DPP10: variants seen among roughly 807,000 people sequenced by gnomAD.
DPP10 encodes the protein inactive dipeptidyl peptidase 10.
A neutral mutation model predicts 120.9 loss-of-function variants in DPP10; 33 were observed. That is an observed-to-expected ratio of 0.27 (90% CI 0.21 to 0.37). The LOEUF (loss-of-function observed/expected upper bound fraction) is 0.37. Among genes scored for constraint, DPP10 ranks in the 10% least tolerant of loss-of-function variants. The pLI is 1.00. For missense variants in DPP10, 816 were observed against 942.8 expected (o/e 0.87, Z 1.76); for synonymous variants, 337 against 326.1 (o/e 1.03, Z -0.36).
intron 3 of DPP10, among the ~76,000 whole-genome samples, chr2:115,491,771 A>G (rs2076138135): frequency 6.6e-6 from 1 of 152,118 alleles, no homozygotes; most frequent in African/African-American, 2.4e-5. Flanking sequence ...TATTAGGTTG[A>G]ACTTTAGAAT....
At chr2:115,252,715 AT>A (rs2058807051) in intron 1 of DPP10, among the ~76,000 whole-genome samples, 1 of 152,184 alleles carries the variant, frequency 6.6e-6, no homozygotes, top group Admixed American at 6.5e-5. Flanking sequence ...ACTGCCAGAT[AT>A]TTCTTTATGT....
chr2:114,597,741 G>A (rs1692036990), intron 1 of DPP10, among the ~76,000 whole-genome samples: 1 of 151,868 alleles, frequency 6.6e-6, no homozygotes, highest in South Asian at 2.1e-4. Flanking sequence ...AAAGATACCA[G>A]ATGGTATCTT....
At chr2:115,551,868 CAGTT>C (rs1346601683) in intron 5 of DPP10, among the ~76,000 whole-genome samples, 5 of 152,042 alleles carry the variant, frequency 3.3e-5, no homozygotes, top group Non-Finnish European at 7.4e-5. Context: ...AACTCAAACA[CAGTT>C]GGTTAAAAAA....
chr2:115,381,230 T>C (rs1176240590), intron 3 of DPP10, among the ~76,000 whole-genome samples: 2 of 152,196 alleles, frequency 1.3e-5, no homozygotes, highest in African/African-American at 4.8e-5. Context: ...AGTCCCATAT[T>C]TCTTGGAGGC....
At chr2:114,469,538 G>A (rs1024590026) in intron 1 of DPP10, among the ~76,000 whole-genome samples, 2 of 151,994 alleles carry the variant, frequency 1.3e-5, no homozygotes, top group African/African-American at 4.8e-5. Context: ...GACCAGGTTG[G>A]CCAACATGGC....
intron 1 of DPP10, among the ~76,000 whole-genome samples, chr2:115,248,460 T>C (rs2058626295): frequency 6.6e-6 from 1 of 152,124 alleles, no homozygotes; most frequent in South Asian, 2.1e-4. Flanking sequence ...TCTTTTTCTT[T>C]GTGAGTCAAT....
chr2:115,613,082 G>T (rs916359396), intron 5 of DPP10, among the ~76,000 whole-genome samples: 6 of 152,178 alleles, frequency 3.9e-5, no homozygotes, highest in Non-Finnish European at 8.8e-5. Flanking sequence ...AAAGCTCAAG[G>T]AGTTGCATTC....
chr2:115,190,574 G>T (rs1051728425), intron 1 of DPP10, among the ~76,000 whole-genome samples: 4 of 152,142 alleles, frequency 2.6e-5, no homozygotes, highest in African/African-American at 9.7e-5. Context: ...TTCCCCCGGC[G>T]GTGAAAGGCA....
At chr2:114,597,276 G>A (rs982001734) in intron 1 of DPP10, among the ~76,000 whole-genome samples, 6 of 151,996 alleles carry the variant, frequency 3.9e-5, no homozygotes, top group African/African-American at 1.4e-4. Flanking sequence ...TAGGGGAATG[G>A]TGGGAATAAG....
intron 5 of DPP10, among the ~76,000 whole-genome samples, chr2:115,571,199 C>T (rs2081318178): frequency 2.0e-5 from 3 of 152,282 alleles, no homozygotes; most frequent in Middle Eastern, 6.8e-3. Flanking sequence ...TAGCCAATCA[C>T]TCTTTGTCTT....
chr2:115,446,256 A>G (rs980909607), intron 3 of DPP10, among the ~76,000 whole-genome samples: 12 of 152,234 alleles, frequency 7.9e-5, no homozygotes, highest in African/African-American at 2.9e-4. Context: ...ATGTCTAGGT[A>G]GAAGTTTGCT....
chr2:115,695,089 T>C (rs1456396612), intron 7 of DPP10, among the ~76,000 whole-genome samples: 1 of 152,168 alleles, frequency 6.6e-6, no homozygotes, highest in Admixed American at 6.5e-5. Flanking sequence ...CTACTCTTCA[T>C]TTTTCTCTTT....
intron 3 of DPP10, among the ~76,000 whole-genome samples, chr2:115,484,053 GACAA>G (rs1355369364): frequency 6.6e-6 from 1 of 151,258 alleles, no homozygotes; most frequent in Non-Finnish European, 1.5e-5. Flanking sequence ...CAGGACCCCA[GACAA>G]ACAGCAAACT....
At position 114,516,472 on chromosome 2, in the gene DPP10, AAGAT is replaced by A. The variant is rs1260709123; in HGVS notation, c.60+73635_60+73638del. ...CTCCCAACCCTGGAAAAGATGAAGA[AAGAT>A]GATGATTTTGTTCTCAGCTCTTAGT... On this transcript the variant is annotated intron_variant, in intron 1 of 25. Transcript: ENST00000410059. Among the ~76,000 whole-genome samples, 5 of 152,236 alleles carry A rather than the reference AAGAT, an allele frequency of 3.3e-5. No homozygotes were observed. In the East Asian group the frequency reaches 9.6e-4, roughly 29 times the overall value.
intron 5 of DPP10, among the ~76,000 whole-genome samples, chr2:115,580,570 C>T (rs2081952425): frequency 6.6e-6 from 1 of 152,138 alleles, no homozygotes; most frequent in Non-Finnish European, 1.5e-5. Context: ...GCTGGCTTCC[C>T]TGTGGATCTA....
intron 3 of DPP10, among the ~76,000 whole-genome samples, chr2:115,365,005 TCA>T (rs1367429882): frequency 2.0e-5 from 3 of 152,160 alleles, no homozygotes; most frequent in Non-Finnish European, 2.9e-5. Context: ...ACTAACACTG[TCA>T]CAGAGTATGG....
chr2:115,783,600 G>A (rs1239948283), intron 17 of DPP10, among the ~76,000 whole-genome samples: 1 of 152,094 alleles, frequency 6.6e-6, no homozygotes, highest in Non-Finnish European at 1.5e-5. Context: ...TTTTTGTGTG[G>A]CTGAAAGATG....
At chr2:115,012,014 T>C (rs1237651315) in intron 1 of DPP10, among the ~76,000 whole-genome samples, 1 of 151,986 alleles carries the variant, frequency 6.6e-6, no homozygotes, top group Non-Finnish European at 1.5e-5. Context: ...ACTGCTGGCT[T>C]TCCCCTACTT....
chr2:114,821,994 T>C (rs1326172663), intron 1 of DPP10, among the ~76,000 whole-genome samples: 3 of 152,112 alleles, frequency 2.0e-5, no homozygotes, highest in Non-Finnish European at 4.4e-5. Context: ...TCTACAATTC[T>C]GGGGTCAGGA....
Sources: gnomAD v4.1 joint callset for allele counts (sites outside exome capture counted in the v4.1 genomes callset) on GRCh38, gnomAD v4.1.1 for gene constraint, MANE v1.5 for transcripts, NCBI Gene and HGNC (gene_info 2026-07-23, HGNC 2026-07-21) for gene names.